Variants in DENND5B observed in about 807,000 individuals in gnomAD.
DENND5B encodes DENN domain-containing protein 5B.
DENND5B carries 34 observed loss-of-function variants against 140.6 expected under a neutral mutation model. The observed-to-expected ratio is 0.24, with a 90% CI of 0.18 to 0.32. DENND5B has a LOEUF of 0.32. DENND5B is among the 10% of genes least tolerant of loss of function. DENND5B has a pLI of 1.00. For synonymous variants in DENND5B, 551 were observed against 562.1 expected (o/e 0.98, Z 0.28); for missense variants, 1,142 against 1,560.2 (o/e 0.73, Z 4.52).
chr12:31,475,722 C>T (rs1015773616), intron 3 of DENND5B, among the ~76,000 whole-genome samples: 5 of 152,066 alleles, frequency 3.3e-5, no homozygotes, highest in Non-Finnish European at 5.9e-5. Context: ...GCATTCCAGC[C>T]TGGGCACCAG....
At chr12:31,394,621 T>C (rs1257682543) in intron 17 of DENND5B, among the ~76,000 whole-genome samples, 1 of 151,522 alleles carries the variant, frequency 6.6e-6, no homozygotes, top group Non-Finnish European at 1.5e-5. Context: ...TGCTCTTTTT[T>C]TTTTTTTTTT....
rs570436479 is a variant in DENND5B at position 31,394,781 on chromosome 12, T to C, written c.3257-2085A>G. Among the ~76,000 whole-genome samples the C allele has an allele frequency of 1.7e-3, 264 of 152,174 alleles. 4 individuals are homozygous for C. The South Asian group carries it at 0.028, about 16-fold the overall frequency. On this transcript the variant is annotated intron_variant, in intron 17 of 20. Transcript: ENST00000389082. ...GACACCTGCCACCATGCCCGGCTAATTTTTTGTATTTTTAGTAGAGACGGG... is the reference window on the plus strand; with the variant it reads ...GACACCTGCCACCATGCCCGGCTAACTTTTTGTATTTTTAGTAGAGACGGG...
chr12:31,481,674 A>C (rs1377057949), intron 2 of DENND5B, among the ~76,000 whole-genome samples: 14 of 152,186 alleles, frequency 9.2e-5, no homozygotes, highest in Non-Finnish European at 2.1e-4. Context: ...AGAGAATGCA[A>C]GGTGGGAGGA....
intron 1 of DENND5B, among the ~76,000 whole-genome samples, chr12:31,519,552 C>T (rs1394769543): frequency 1.3e-5 from 2 of 152,006 alleles, no homozygotes; most frequent in African/African-American, 4.8e-5. Flanking sequence ...CAATCTAATA[C>T]ATTGTTAGTA....
intron 1 of DENND5B, among the ~76,000 whole-genome samples, chr12:31,566,349 T>C (rs1315800994): frequency 6.8e-5 from 4 of 58,404 alleles, no homozygotes; most frequent in Non-Finnish European, 1.6e-4. Context: ...TGTGTGTGTG[T>C]GTGTGTGTGT....
chr12:31,544,822 T>G (rs572050479), intron 1 of DENND5B, among the ~76,000 whole-genome samples: 9 of 152,242 alleles, frequency 5.9e-5, no homozygotes, highest in African/African-American at 2.2e-4. Flanking sequence ...AATAAAATAT[T>G]TATTCTTTCC....
chr12:31,423,365 T>G (rs934768886), intron 11 of DENND5B, among the ~76,000 whole-genome samples: 3 of 152,220 alleles, frequency 2.0e-5, no homozygotes, highest in Non-Finnish European at 4.4e-5. Context: ...CGTTCTAGCC[T>G]AGGTAATCTC....
intron 11 of DENND5B, among the ~76,000 whole-genome samples, chr12:31,416,622 A>C (rs1197502885): frequency 1.3e-5 from 2 of 152,186 alleles, no homozygotes. Context: ...AAAGCAATGT[A>C]TATAAATTAA....
chr12:31,411,668 A>C (rs1201876251), intron 13 of DENND5B, among the ~76,000 whole-genome samples: 1 of 152,036 alleles, frequency 6.6e-6, no homozygotes, highest in Non-Finnish European at 1.5e-5. Context: ...TTGGAAAAAA[A>C]AACCACGCCA....
At chr12:31,463,255 G>A (rs1056639720) in intron 3 of DENND5B, among the ~76,000 whole-genome samples, 2 of 150,882 alleles carry the variant, frequency 1.3e-5, no homozygotes, top group Admixed American at 6.7e-5. Context: ...GTGAGATTCT[G>A]TCTCAAAAAA....
At chr12:31,554,934 T>C (rs1949219385) in intron 1 of DENND5B, among the ~76,000 whole-genome samples, 1 of 152,226 alleles carries the variant, frequency 6.6e-6, no homozygotes, top group South Asian at 2.1e-4. Context: ...CTTCTCTGCA[T>C]TGGTTATTCT....
Position 31,531,056 on chromosome 12 carries a change from C to T in DENND5B, c.128-35137G>A, listed in dbSNP as rs1948260645. Among the ~76,000 whole-genome samples, 3 of 152,200 alleles carry T rather than the reference C, an allele frequency of 2.0e-5. No individual in the cohort carries two copies. The South Asian group carries it at 6.2e-4, about 32-fold the overall frequency. ...TCATTATGCAGTGTTCAAAGAAATG[C>T]ATGCTTTCCTGAATTAAAATGTTCT... On this transcript the variant is annotated intron_variant, in intron 1 of 20. Transcript: ENST00000389082.
intron 1 of DENND5B, chr12:31,500,696 A>C (rs1946971769): frequency 1.2e-5 from 2 of 169,298 alleles, no homozygotes; most frequent in Non-Finnish European, 1.2e-5. Context: ...AAAAAAAAAA[A>C]AAAAAAATTA....
intron 2 of DENND5B, among the ~76,000 whole-genome samples, chr12:31,492,862 C>T (rs1454066792): frequency 6.6e-6 from 1 of 152,168 alleles, no homozygotes; most frequent in Non-Finnish European, 1.5e-5. Context: ...AAAGATGACG[C>T]TAGGCATCTA....
chr12:31,494,937 G>A (rs1235892080), intron 2 of DENND5B, among the ~76,000 whole-genome samples: 6 of 151,996 alleles, frequency 3.9e-5, no homozygotes, highest in East Asian at 1.9e-4. Context: ...TGCTTTTGTC[G>A]CTTCATTCTT....
intron 14 of DENND5B, among the ~76,000 whole-genome samples, chr12:31,407,526 C>T (rs762458919): frequency 6.6e-6 from 1 of 152,198 alleles, no homozygotes; most frequent in Non-Finnish European, 1.5e-5. Flanking sequence ...GGCCTAATCC[C>T]CATTCCAATT....
intron 1 of DENND5B, among the ~76,000 whole-genome samples, chr12:31,562,164 A>G (rs1210667334): frequency 6.6e-6 from 1 of 152,192 alleles, no homozygotes; most frequent in Non-Finnish European, 1.5e-5. Context: ...AGTCAGAAAG[A>G]CATGCTTAGA....
At chr12:31,587,526 CTTTTTTTTTTTTTTTTTTTTTT>C (rs71460995) in intron 1 of DENND5B, among the ~76,000 whole-genome samples, 17 of 74,948 alleles carry the variant, frequency 2.3e-4, no homozygotes, top group Admixed American at 8.3e-4. Flanking sequence ...CCACAAATAC[CTTTTTTTTTTTTTTTTTTTTTT>C]TTTTTTTTTT....
intron 1 of DENND5B, among the ~76,000 whole-genome samples, chr12:31,502,796 C>T (rs1244559695): frequency 2.0e-5 from 3 of 152,186 alleles, no homozygotes; most frequent in African/African-American, 7.2e-5. Flanking sequence ...ACCTTTCATA[C>T]TCTCTCCTCA....
Sources: allele counts gnomAD v4.1 joint callset (sites outside exome capture counted in the v4.1 genomes callset), GRCh38; gene constraint gnomAD v4.1.1; transcripts MANE v1.5; gene names NCBI Gene and HGNC (gene_info 2026-07-23, HGNC 2026-07-21).